Variants in RBM33 observed in about 807,000 individuals in gnomAD.
RBM33 encodes the protein RNA binding motif protein 33.
A neutral mutation model predicts 132.6 loss-of-function variants in RBM33; 28 were observed. The ratio of observed to expected loss-of-function variants is 0.21; its 90% CI spans 0.16 to 0.29. The LOEUF is 0.29. Ranked by LOEUF, RBM33 falls within the 10% of genes least tolerant of loss-of-function variation. The pLI is 1.00. For missense variants in RBM33, 1,291 were observed against 1,518.5 expected, an observed-to-expected ratio of 0.85 and a Z score of 2.49; for synonymous variants, 634 against 593.0, an observed-to-expected ratio of 1.07 and a Z score of -1.01.
intron 5 of RBM33, among the ~76,000 whole-genome samples, chr7:155,692,543 G>A (rs1455048742): frequency 1.3e-5 from 2 of 152,188 alleles, no homozygotes; most frequent in Admixed American, 6.5e-5. Context: ...AACCTCCTAT[G>A]TGTGCAGGGT....
chr7:155,740,830 A>G (rs541135316), intron 12 of RBM33, among the ~76,000 whole-genome samples: 17 of 152,250 alleles, frequency 1.1e-4, no homozygotes, highest in African/African-American at 3.9e-4. Flanking sequence ...GAGAGACACA[A>G]TGTGGCTAGT....
chr7:155,673,675 CGT>C (rs1252134842), intron 3 of RBM33, among the ~76,000 whole-genome samples: 1 of 126,274 alleles, frequency 7.9e-6, no homozygotes, highest in Non-Finnish European at 1.6e-5. Context: ...TACATACACA[CGT>C]GTATATATAT....
chr7:155,728,828 G>A (rs1481828293), intron 9 of RBM33, among the ~76,000 whole-genome samples: 1 of 152,170 alleles, frequency 6.6e-6, no homozygotes, highest in Non-Finnish European at 1.5e-5. Context: ...CTGCAGGTAG[G>A]CAGCCTGGGT....
chr7:155,678,797 C>G (rs980401421), intron 4 of RBM33, 113 bp downstream of exon 4: 4 of 607,236 alleles, frequency 6.6e-6, no homozygotes, highest in Non-Finnish European at 1.2e-5. Flanking sequence ...ATCTTTAACA[C>G]ATGATTACAT....
chr7:155,658,558 G>A lies in RBM33; in HGVS notation c.44-6617G>A, dbSNP rs535084886. ...TGGGATAACAGGCGCTCGCCACCAA[G>A]CCTGGCTAGTTTTTGTATTTTTAGT... On this transcript the variant is annotated intron_variant, in intron 1 of 17. Transcript: ENST00000401878. 2.0e-5 allele frequency among the ~76,000 whole-genome samples: 3 copies of A among 152,064 alleles called. No homozygotes were observed. The East Asian group carries it at 5.8e-4, about 30-fold the overall frequency.
At chr7:155,711,669 G>A (rs10256316) in intron 8 of RBM33, among the ~76,000 whole-genome samples, 26,128 of 152,140 alleles carry the variant, frequency 0.17, 2,291 homozygotes, top group East Asian at 0.28. Context: ...GGGGAGCTGC[G>A]GTTCCCAGCC....
chr7:155,706,658 G>A (rs1026506838), intron 6 of RBM33, among the ~76,000 whole-genome samples: 1 of 152,138 alleles, frequency 6.6e-6, no homozygotes, highest in African/African-American at 2.4e-5. Context: ...CGGAAAGCCT[G>A]TTCTTATTTA....
intron 5 of RBM33, among the ~76,000 whole-genome samples, chr7:155,694,284 A>G (rs1799729779): frequency 6.6e-6 from 1 of 152,236 alleles, no homozygotes; most frequent in Non-Finnish European, 1.5e-5. Context: ...TATAAAGACT[A>G]AATATCAGTC....
At chr7:155,717,013 T>C (rs1800481491) in intron 8 of RBM33, among the ~76,000 whole-genome samples, 1 of 152,232 alleles carries the variant, frequency 6.6e-6, no homozygotes, top group African/African-American at 2.4e-5. Context: ...ATGTATGGAA[T>C]TCCTTGAGTA....
intron 3 of RBM33, among the ~76,000 whole-genome samples, chr7:155,673,940 G>GTTGTTGTTTGTTGTT: frequency 1.8e-5 from 1 of 54,214 alleles, no homozygotes; most frequent in Admixed American, 2.6e-4. Context: ...TTTAGGCTTA[G>GTTGTTGTTTGTTGTT]TTTTTTTTTT....
At chr7:155,676,486 A>C (rs1799186608) in intron 3 of RBM33, among the ~76,000 whole-genome samples, 1 of 152,122 alleles carries the variant, frequency 6.6e-6, no homozygotes, top group African/African-American at 2.4e-5. Context: ...CCCATTTTTA[A>C]ACTCTGGCTA....
intron 14 of RBM33, among the ~76,000 whole-genome samples, chr7:155,750,550 T>G (rs1801657814): frequency 1.3e-5 from 2 of 152,190 alleles, no homozygotes; most frequent in South Asian, 2.1e-4. Context: ...TCTGTAACCT[T>G]GGTTGCCTGG....
At chr7:155,680,560 G>A in intron 4 of RBM33, 30 bp from the exon 5 acceptor site, 1 of 1,327,010 alleles carries the variant, frequency 7.5e-7, no homozygotes, top group Non-Finnish European at 1.0e-6. Context: ...TTCATTGGGT[G>A]CTTTTTTTTT....
chr7:155,756,982 G>C (rs1241030990), intron 14 of RBM33, among the ~76,000 whole-genome samples: 1 of 152,186 alleles, frequency 6.6e-6, no homozygotes. Context: ...GCCATTCAGA[G>C]TAACGCTTGC....
chr7:155,736,202 C>T (rs750830715), intron 9 of RBM33, among the ~76,000 whole-genome samples: 1 of 152,078 alleles, frequency 6.6e-6, no homozygotes, highest in Non-Finnish European at 1.5e-5. Flanking sequence ...AAATGCACTG[C>T]GGAAGAGCAT....
intron 5 of RBM33, among the ~76,000 whole-genome samples, chr7:155,690,651 A>G (rs1157512695): frequency 6.6e-6 from 1 of 152,170 alleles, no homozygotes; most frequent in African/African-American, 2.4e-5. Context: ...GAACTCTTGT[A>G]GGGCAGGCCT....
intron 9 of RBM33, among the ~76,000 whole-genome samples, chr7:155,720,511 C>A (rs974667804): frequency 6.6e-6 from 1 of 151,834 alleles, no homozygotes; most frequent in East Asian, 1.9e-4. Context: ...TTATTTTTTT[C>A]TTTTTTCTAC....
At chr7:155,766,264 C>T (rs911821920) in intron 15 of RBM33, among the ~76,000 whole-genome samples, 3 of 152,134 alleles carry the variant, frequency 2.0e-5, no homozygotes, top group East Asian at 3.9e-4. Flanking sequence ...CCTCTTCCTC[C>T]GCCTACACTT....
chr7:155,742,753 G>A (rs1486179198), intron 13 of RBM33, among the ~76,000 whole-genome samples: 2 of 152,220 alleles, frequency 1.3e-5, no homozygotes, highest in African/African-American at 2.4e-5. Flanking sequence ...AATGTAGTGA[G>A]TGTGAACAAT....
Sources: allele counts gnomAD v4.1 joint callset (sites outside exome capture counted in the v4.1 genomes callset), GRCh38; gene constraint gnomAD v4.1.1; transcripts MANE v1.5; gene names NCBI Gene and HGNC (gene_info 2026-07-23, HGNC 2026-07-21).